Variants in USP15 observed in about 807,000 individuals in gnomAD.
The protein encoded by USP15 is ubiquitin carboxyl-terminal hydrolase 15.
Under a neutral mutation model 127.1 loss-of-function variants are expected in USP15, and 18 were observed. That is an observed-to-expected ratio of 0.14 (90% CI 0.10 to 0.21). USP15 has a LOEUF of 0.21. USP15 is among the 10% of genes least tolerant of loss of function. The pLI is 1.00. For synonymous variants in USP15, 364 were observed against 393.7 expected (o/e 0.92, Z 0.89); for missense variants, 805 against 1,159.9 (o/e 0.69, Z 4.44).
chr12:62,301,769 T>G (rs757152314), intron 2 of USP15, among the ~76,000 whole-genome samples: 5 of 152,296 alleles, frequency 3.3e-5, no homozygotes, highest in Non-Finnish European at 7.4e-5. Flanking sequence ...TTTTTATTGT[T>G]TATATCTTAT....
At chr12:62,385,025 CCT>C (rs2067104538) in intron 11 of USP15, among the ~76,000 whole-genome samples, 1 of 151,764 alleles carries the variant, frequency 6.6e-6, no homozygotes, top group Admixed American at 6.6e-5. Context: ...TCTTTTTCTA[CCT>C]CTCTTTCCCT....
chr12:62,386,712 T>C (rs549672498), intron 11 of USP15, among the ~76,000 whole-genome samples: 1 of 152,164 alleles, frequency 6.6e-6, no homozygotes, highest in South Asian at 2.1e-4. Flanking sequence ...GTATAGGAAG[T>C]TTGAACTTCA....
chr12:62,317,088 A>G (rs1036360138), intron 4 of USP15, among the ~76,000 whole-genome samples: 1 of 152,168 alleles, frequency 6.6e-6, no homozygotes, highest in African/African-American at 2.4e-5. Context: ...ATATTAGAAT[A>G]CAAAATATCA....
At chr12:62,348,735 A>C (rs928631672) in intron 6 of USP15, among the ~76,000 whole-genome samples, 1 of 152,150 alleles carries the variant, frequency 6.6e-6, no homozygotes, top group Non-Finnish European at 1.5e-5. Flanking sequence ...CAAATATAGC[A>C]TATTGGGATT....
At chr12:62,402,764 A>G (rs186937062) in intron 21 of USP15, among the ~76,000 whole-genome samples, 255 of 152,224 alleles carry the variant, frequency 1.7e-3, no homozygotes, top group Middle Eastern at 3.4e-3. Flanking sequence ...TAGCCATTAG[A>G]TTGTTAAACA....
chr12:62,357,356 C>T (rs2066163540), intron 8 of USP15, among the ~76,000 whole-genome samples: 1 of 152,032 alleles, frequency 6.6e-6, no homozygotes. Context: ...CTAGATTTGG[C>T]ATCGTTTAGC....
At chr12:62,275,155 GGAGA>G (rs991980824) in intron 1 of USP15, among the ~76,000 whole-genome samples, 1 of 151,948 alleles carries the variant, frequency 6.6e-6, no homozygotes, top group Non-Finnish European at 1.5e-5. Flanking sequence ...ATGGGTAAAT[GGAGA>G]GAGAGAGGAT....
intron 3 of USP15, among the ~76,000 whole-genome samples, chr12:62,303,975 G>A (rs2064401320): frequency 6.6e-6 from 1 of 151,630 alleles, no homozygotes; most frequent in Non-Finnish European, 1.5e-5. Context: ...ATCAAAGGTA[G>A]CCTATTTAGC....
At chr12:62,277,748 G>A (rs573981820) in intron 1 of USP15, 25 of 152,044 alleles carry the variant, frequency 1.6e-4, no homozygotes, top group Admixed American at 1.6e-3. Flanking sequence ...TTTTAAGAAA[G>A]TTTACGAATT....
intron 8 of USP15, among the ~76,000 whole-genome samples, chr12:62,367,187 T>G (rs1473553055): frequency 2.0e-5 from 3 of 152,072 alleles, no homozygotes; most frequent in African/African-American, 7.2e-5. Flanking sequence ...GTAGGTAGAC[T>G]ATTAATTACT....
rs759893764 is a variant in USP15 at position 62,391,233 on chromosome 12, G to A, written c.2037G>A (p.Gln679=). The A allele has an allele frequency of 1.2e-5, 19 of 1,613,528 alleles. No individual in the cohort carries two copies. In the African/African-American group the frequency reaches 2.1e-4, roughly 18 times the overall value. Residue 679 remains glutamine, a synonymous_variant, in exon 16 of 22, where the codon CAG becomes CAA. Transcript: ENST00000280377. ...QELPSENENS[Q]SEDSVGGDND... is the part of the protein sequence containing the mutation. ...TTCCCTCAGAGAATGAAAACAGTCA[G>A]TCTGAAGATTCAGTTGGAGGAGATA...
At chr12:62,289,143 A>C (rs916100513) in intron 1 of USP15, among the ~76,000 whole-genome samples, 1 of 152,078 alleles carries the variant, frequency 6.6e-6, no homozygotes, top group African/African-American at 2.4e-5. Context: ...ATTTTGGAAC[A>C]GTTTCAGTGG....
At chr12:62,313,420 C>A (rs146532272) in intron 3 of USP15, among the ~76,000 whole-genome samples, 59 of 151,102 alleles carry the variant, frequency 3.9e-4, no homozygotes, top group African/African-American at 1.4e-3. Flanking sequence ...TTTTCTTTTT[C>A]TTCCATAAAA....
In USP15 at chr12:62,349,410, A is replaced by G. The variant is rs139368656; in HGVS notation, c.770+103A>G. 2.0e-3 allele frequency: 1,352 copies of G among 685,782 alleles called. 7 individuals carry two copies. Among genetic ancestry groups the G allele is most frequent in the African/African-American group, 0.012 (633 of 53,490 alleles). The allele number at this position is 685,782 out of a possible 1,614,324, so 42.5% of individuals were successfully genotyped here. Reference sequence around the variant, plus strand: ...TTTAGGATAAAAGTCTTAATGCATTAAAATTGGTTTTCTTTTAAATTACCG... The same window carrying G: ...TTTAGGATAAAAGTCTTAATGCATTGAAATTGGTTTTCTTTTAAATTACCG... On this transcript the variant is annotated intron_variant, in intron 7 of 21. Coordinates refer to ENST00000280377, the MANE Select transcript of USP15 (RefSeq NM_001252078.2).
chr12:62,335,964 G>A, intron 6 of USP15: 1 of 985,344 alleles, frequency 1.0e-6, no homozygotes, highest in South Asian at 4.7e-5. Context: ...CTTTAGGGTT[G>A]CCACATTTAG....
At position 62,316,111 on chromosome 12, in the gene USP15, C is replaced by T. The variant is rs1298493205; in HGVS notation, c.475+1195C>T. Among the ~76,000 whole-genome samples the T allele has an allele frequency of 2.0e-5, 3 of 151,800 alleles. No homozygotes were observed. The East Asian group carries it at 5.8e-4, about 29-fold the overall frequency. Reference sequence around the variant, plus strand: ...ACCAGCCTGGCCAACATGGTGAAACCCCATCTCTACTAAAAGTACAAAAAT... The same window carrying T: ...ACCAGCCTGGCCAACATGGTGAAACTCCATCTCTACTAAAAGTACAAAAAT... On this transcript the variant is annotated intron_variant, in intron 4 of 21. Transcript: ENST00000280377.
chr12:62,403,441 G>A (rs2067758384), intron 21 of USP15, among the ~76,000 whole-genome samples: 2 of 152,084 alleles, frequency 1.3e-5, no homozygotes, highest in African/African-American at 4.8e-5. Context: ...AAATGCTACT[G>A]AGAGATTGAC....
chr12:62,397,436 TTGA>T (rs2067527296), intron 20 of USP15, among the ~76,000 whole-genome samples: 1 of 152,258 alleles, frequency 6.6e-6, no homozygotes, highest in Non-Finnish European at 1.5e-5. Context: ...TCTGTATATT[TTGA>T]TGTTCTGTTT....
intron 1 of USP15, among the ~76,000 whole-genome samples, chr12:62,279,862 A>G (rs1038317919): frequency 2.0e-5 from 3 of 152,208 alleles, no homozygotes; most frequent in African/African-American, 7.2e-5. Context: ...ATTAGTTTGT[A>G]ATGATGCTTT....
Sources: allele counts gnomAD v4.1 joint callset (sites outside exome capture counted in the v4.1 genomes callset), GRCh38; gene constraint gnomAD v4.1.1; transcripts MANE v1.5; gene names NCBI Gene and HGNC (gene_info 2026-07-23, HGNC 2026-07-21).